NDUFB6: variants seen among roughly 807,000 people sequenced by gnomAD.
NDUFB6 encodes NADH dehydrogenase [ubiquinone] 1 beta subcomplex subunit 6.
In NDUFB6, 23 loss-of-function variants were observed where a neutral mutation model predicts 17.5. That is an observed-to-expected ratio of 1.31 (90% CI 0.94 to 1.86). NDUFB6 has a LOEUF of 1.86. Ranked by LOEUF, NDUFB6 falls within the 40% of genes most tolerant of loss-of-function variation. The pLI is 0.00. For synonymous variants in NDUFB6, 60 were observed against 53.5 expected, an observed-to-expected ratio of 1.12 and a Z score of -0.53; for missense variants, 167 against 153.8, an observed-to-expected ratio of 1.09 and a Z score of -0.46.
rs774693476 is a variant in NDUFB6 at position 32,573,147 on chromosome 9, A to G, written c.-87T>C. ...AAGCGCGCTCCCGCTCTGCAAAGCGACCTTGCGGGAACGCCGAGCGCCGCG... is the reference window on the plus strand; with the variant it reads ...AAGCGCGCTCCCGCTCTGCAAAGCGGCCTTGCGGGAACGCCGAGCGCCGCG... On this transcript the variant is annotated 5_prime_UTR_variant, in exon 1 of 4. Coordinates refer to ENST00000379847, the MANE Select transcript of NDUFB6 (RefSeq NM_002493.5). 2.2e-6 allele frequency: 3 copies of G among 1,370,998 alleles called. No homozygotes were observed. The highest frequency in any genetic ancestry group is 2.9e-6 in the Non-Finnish European group (3 of 1,043,846). The allele number at this position is 1,370,998 out of a possible 1,614,324, so 84.9% of individuals were successfully genotyped here.
chr9:32,555,654 A>C (rs1821435637), intron 3 of NDUFB6, among the ~76,000 whole-genome samples: 1 of 152,246 alleles, frequency 6.6e-6, no homozygotes, highest in African/African-American at 2.4e-5. Flanking sequence ...TCCTGCCAGA[A>C]TGTTTGAAAT....
intron 2 of NDUFB6, among the ~76,000 whole-genome samples, chr9:32,569,244 G>A (rs1327480869): frequency 6.6e-6 from 1 of 151,822 alleles, no homozygotes; most frequent in Non-Finnish European, 1.5e-5. Context: ...TTTTGAGACG[G>A]AGTCTCACTC....
chr9:32,564,857 T>G (rs943948817), intron 2 of NDUFB6, among the ~76,000 whole-genome samples: 1 of 152,238 alleles, frequency 6.6e-6, no homozygotes, highest in Admixed American at 6.5e-5. Flanking sequence ...TTTTGCACTA[T>G]GTAAATGTAT....
In NDUFB6 at chr9:32,553,862, T is replaced by G. The variant is rs1337026339; in HGVS notation, c.*14A>C. The G allele has an allele frequency of 1.3e-6, 2 of 1,541,056 alleles. No homozygotes were observed. The highest frequency in any genetic ancestry group is 1.8e-6 in the Non-Finnish European group (2 of 1,116,928). ...AACTTAGGCTCATAAGCCTTTTAAC[T>G]TTTTACATAATCTTTAATGATGTTG... On this transcript the variant is annotated 3_prime_UTR_variant, in exon 4 of 4. Coordinates refer to ENST00000379847, the MANE Select transcript of NDUFB6 (RefSeq NM_002493.5).
At chr9:32,559,789 T>C (rs911327313) in intron 2 of NDUFB6, among the ~76,000 whole-genome samples, 1 of 152,084 alleles carries the variant, frequency 6.6e-6, no homozygotes, top group Non-Finnish European at 1.5e-5. Flanking sequence ...ATATACCTCT[T>C]TGTTTATATA....
intron 1 of NDUFB6, among the ~76,000 whole-genome samples, chr9:32,572,467 GTGGT>G (rs1487918504): frequency 6.6e-6 from 1 of 152,158 alleles, no homozygotes; most frequent in Admixed American, 6.5e-5. Flanking sequence ...GTGCCCTCTG[GTGGT>G]TGGATACTGT....
chr9:32,558,187 C>T (rs1821524884), intron 3 of NDUFB6, among the ~76,000 whole-genome samples: 1 of 150,678 alleles, frequency 6.6e-6, no homozygotes, highest in Non-Finnish European at 1.5e-5. Flanking sequence ...CCTCGGCTCA[C>T]TGCAAGCTCC....
chr9:32,556,225 C>T (rs67470713), intron 3 of NDUFB6, among the ~76,000 whole-genome samples: 15,362 of 152,204 alleles, frequency 0.1, 1,004 homozygotes, highest in Middle Eastern at 0.28. Flanking sequence ...ACTCCATGAA[C>T]AGGGGTCTGG....
chr9:32,557,442 T>C (rs1821496563), intron 3 of NDUFB6, among the ~76,000 whole-genome samples: 1 of 151,056 alleles, frequency 6.6e-6, no homozygotes, highest in Non-Finnish European at 1.5e-5. Context: ...GTGCTGTAAT[T>C]ACAGGCATGA....
At chr9:32,566,736 A>T in intron 2 of NDUFB6, 1 of 924,256 alleles carries the variant, frequency 1.1e-6, no homozygotes, top group Admixed American at 1.7e-5. Flanking sequence ...CAAGCCTTCA[A>T]ACCACAGCGG....
intron 2 of NDUFB6, chr9:32,566,429 T>C: frequency 1.2e-6 from 1 of 846,066 alleles, no homozygotes; most frequent in Non-Finnish European, 2.1e-6. Context: ...TCCCTGTTAC[T>C]GTAGGGGTTG....
intron 1 of NDUFB6, among the ~76,000 whole-genome samples, chr9:32,572,187 TA>T (rs1821953606): frequency 2.6e-5 from 4 of 152,224 alleles, no homozygotes; most frequent in Non-Finnish European, 4.4e-5. Flanking sequence ...CTGTCATCAG[TA>T]AGTGTTGCAG....
At chr9:32,571,304 T>TG (rs1821935304) in intron 1 of NDUFB6, among the ~76,000 whole-genome samples, 1 of 148,756 alleles carries the variant, frequency 6.7e-6, no homozygotes, top group Non-Finnish European at 1.5e-5. Flanking sequence ...ACAAGGCATT[T>TG]ATAGATTTTT....
Position 32,572,941 on chromosome 9 carries a change from C to T in NDUFB6, c.120G>A (p.Met40Ile), listed in dbSNP as rs190070706. The change falls in exon 1 of 4, where the codon ATG (methionine) becomes ATA (isoleucine). Residue 40 changes from methionine to isoleucine, a missense_variant. Met to Ile is a conservative substitution (Grantham distance 10). Transcript: ENST00000379847. ...TATTCCAGAATTTCTCCATAGGCCC[C>T]ATCTTCTGTGGGGGCAGCACCGGCT... ...PREPVLPPQK[M>I]GPMEKFWNKF... 1 of 1,609,332 alleles carries T rather than the reference C, an allele frequency of 6.2e-7. No homozygotes were observed. Among genetic ancestry groups the T allele is most frequent in the Admixed American group, 1.7e-5 (1 of 59,354 alleles).
intron 2 of NDUFB6, among the ~76,000 whole-genome samples, chr9:32,565,823 T>C (rs1284014769): frequency 6.6e-6 from 1 of 151,936 alleles, no homozygotes; most frequent in Non-Finnish European, 1.5e-5. Flanking sequence ...AATACAAAAA[T>C]TAGCCAGGCA....
Position 32,573,015 on chromosome 9 carries a change from G to C in NDUFB6, c.46C>G (p.Arg16Gly). The change falls in exon 1 of 4, where the codon CGA becomes GGA. Residue 16 changes from arginine to glycine, a missense_variant. Transcript: ENST00000379847. ...PDEKLRLQQL[R>G]ELRRRWLKDQ... is the part of the protein sequence containing the mutation. The stretch of plus-strand genomic sequence containing the variant: ...TTCAGCCATCGCCTTCTCAGCTCTC[G>C]CAGCTGCTGCAGCCGCAGTTTCTCA... 6.2e-7 allele frequency: 1 copy of C among 1,602,108 alleles called. No individual in the cohort carries two copies. Among genetic ancestry groups the C allele is most frequent in the East Asian group, 2.3e-5 (1 of 43,950 alleles).
chr9:32,566,825 G>A (rs1821806460), intron 2 of NDUFB6: 1 of 886,848 alleles, frequency 1.1e-6, no homozygotes, highest in Non-Finnish European at 1.8e-6. Context: ...GCCTCTGTGG[G>A]GGCCTGCTCA....
intron 3 of NDUFB6, among the ~76,000 whole-genome samples, chr9:32,556,264 T>A (rs192083957): frequency 2.5e-4 from 38 of 152,274 alleles, no homozygotes; most frequent in African/African-American, 8.7e-4. Flanking sequence ...CAGATAATAT[T>A]TGGGAAGATG....
At chr9:32,562,845 C>T (rs905093898) in intron 2 of NDUFB6, among the ~76,000 whole-genome samples, 6 of 152,130 alleles carry the variant, frequency 3.9e-5, no homozygotes, top group Non-Finnish European at 7.4e-5. Context: ...ATTGACTGTG[C>T]AGGCTCTTTA....
Sources: gnomAD v4.1 joint callset for allele counts (sites outside exome capture counted in the v4.1 genomes callset) on GRCh38, gnomAD v4.1.1 for gene constraint, MANE v1.5 for transcripts, NCBI Gene and HGNC (gene_info 2026-07-23, HGNC 2026-07-21) for gene names.